The following RAP1GAP2 variants were observed in gnomAD, a reference collection of about 807,000 sequenced individuals.
The protein encoded by RAP1GAP2 is RAP1 GTPase activating protein 2, also known as rap1 GTPase-activating protein 2.
RAP1GAP2 carries 27 observed loss-of-function variants against 95.0 expected under a neutral mutation model. The ratio of observed to expected loss-of-function variants is 0.28; its 90% CI spans 0.21 to 0.39. The LOEUF (loss-of-function observed/expected upper bound fraction) is 0.39, where lower values mean the gene tolerates loss of function less well. Among genes scored for constraint, RAP1GAP2 ranks in the 10% least tolerant of loss-of-function variants. The probability of loss-of-function intolerance (pLI) is 1.00; values close to 1 mark genes in which losing one functional copy is unlikely to be tolerated. For missense variants in RAP1GAP2, 771 were observed against 970.0 expected (o/e 0.79, Z 2.72); for synonymous variants, 373 against 380.9 (o/e 0.98, Z 0.24).
At chr17:2,760,962 C>CT (rs944540184) in intron 1 of RAP1GAP2, among the ~76,000 whole-genome samples, 43 of 140,468 alleles carry the variant, frequency 3.1e-4, no homozygotes, top group South Asian at 9.0e-4. Flanking sequence ...CTTTCTTTTT[C>CT]TTTTTTTTTG....
At chr17:2,880,213 G>C (rs2073236029) in intron 2 of RAP1GAP2, among the ~76,000 whole-genome samples, 1 of 152,054 alleles carries the variant, frequency 6.6e-6, no homozygotes, top group African/African-American at 2.4e-5. Context: ...ATGGGAGTGT[G>C]GGTGAGAGAA....
chr17:2,840,954 C>T (rs1261047023), intron 2 of RAP1GAP2, among the ~76,000 whole-genome samples: 12 of 152,006 alleles, frequency 7.9e-5, no homozygotes, highest in South Asian at 2.1e-4. Flanking sequence ...GCCGAGATTG[C>T]GCCACTGCAC....
At position 2,870,619 on chromosome 17, in the gene RAP1GAP2, A is replaced by G. The variant is rs1322551424; in HGVS notation, c.81-34665A>G. On this transcript the variant is annotated intron_variant, in intron 2 of 24. Transcript: ENST00000254695. The surrounding 1 kb of genome is among the most constrained non-coding windows in gnomAD (Gnocchi z 4.4). ...GCAAAAGCACACCCTTTCACGTAAT[A>G]TACTTACATCTGCATCTACGTCTGT... Among the ~76,000 whole-genome samples the G allele has an allele frequency of 6.6e-6, 1 of 152,144 alleles. No homozygotes were observed. The highest frequency in any genetic ancestry group is 1.5e-5 in the Non-Finnish European group (1 of 68,034).
chr17:3,017,099 TC>T (rs1027383510), intron 17 of RAP1GAP2, among the ~76,000 whole-genome samples: 1 of 151,558 alleles, frequency 6.6e-6, no homozygotes, highest in African/African-American at 2.4e-5. Flanking sequence ...TGTCAGGAAA[TC>T]CCCCCCTGAG....
chr17:2,763,318 C>G (rs2068217604), intron 1 of RAP1GAP2, among the ~76,000 whole-genome samples: 1 of 152,118 alleles, frequency 6.6e-6, no homozygotes, highest in Non-Finnish European at 1.5e-5. Flanking sequence ...AGAGATGGAT[C>G]AGATACAGCC....
chr17:2,977,412 C>T (rs2045169158), intron 8 of RAP1GAP2, among the ~76,000 whole-genome samples: 1 of 152,040 alleles, frequency 6.6e-6, no homozygotes, highest in Admixed American at 6.6e-5. Flanking sequence ...TTTAGCAAAC[C>T]TTTAAGGAAT....
At chr17:2,808,511 G>T (rs147665943) in intron 2 of RAP1GAP2, among the ~76,000 whole-genome samples, 1 of 152,208 alleles carries the variant, frequency 6.6e-6, no homozygotes, top group African/African-American at 2.4e-5. Context: ...GGAGAGAGCA[G>T]CATCCTGAGG....
chr17:2,874,724 C>T (rs1033902436), intron 2 of RAP1GAP2, among the ~76,000 whole-genome samples: 3 of 152,114 alleles, frequency 2.0e-5, no homozygotes, highest in Admixed American at 6.6e-5. Flanking sequence ...AGGAAAAGCC[C>T]CAAACCCTTG....
At chr17:2,764,592 G>T (rs1479855807) in intron 1 of RAP1GAP2, among the ~76,000 whole-genome samples, 1 of 151,670 alleles carries the variant, frequency 6.6e-6, no homozygotes, top group Non-Finnish European at 1.5e-5. Context: ...GTGGTGGCAG[G>T]CACCTATAAT....
intron 3 of RAP1GAP2, among the ~76,000 whole-genome samples, chr17:2,931,937 C>G (rs1266175697): frequency 6.6e-6 from 1 of 152,144 alleles, no homozygotes; most frequent in Non-Finnish European, 1.5e-5. Context: ...CCCAAAATTT[C>G]CAGCTTCTCA....
intron 2 of RAP1GAP2, among the ~76,000 whole-genome samples, chr17:2,846,386 TG>T (rs1240164901): frequency 6.6e-6 from 1 of 152,146 alleles, no homozygotes; most frequent in Non-Finnish European, 1.5e-5. Context: ...ACACTTGGGC[TG>T]CTTTCCGACT....
chr17:2,834,224 C>T (rs1418994377), intron 2 of RAP1GAP2, among the ~76,000 whole-genome samples: 1 of 152,196 alleles, frequency 6.6e-6, no homozygotes, highest in Non-Finnish European at 1.5e-5. Context: ...AGATTTTCAT[C>T]CTATCCCAGT....
At chr17:2,882,095 C>T (rs1029000175) in intron 2 of RAP1GAP2, among the ~76,000 whole-genome samples, 1 of 148,332 alleles carries the variant, frequency 6.7e-6, no homozygotes, top group Non-Finnish European at 1.5e-5. Flanking sequence ...GCTGGGATTA[C>T]AGGCATGAGC....
chr17:2,942,866 C>CT (rs1363100003), intron 3 of RAP1GAP2, among the ~76,000 whole-genome samples: 1 of 152,060 alleles, frequency 6.6e-6, no homozygotes, highest in Non-Finnish European at 1.5e-5. Flanking sequence ...CTCCTGAGTT[C>CT]AAACGATTCT....
At chr17:2,882,247 C>T (rs1278976811) in intron 2 of RAP1GAP2, among the ~76,000 whole-genome samples, 2 of 151,446 alleles carry the variant, frequency 1.3e-5, no homozygotes, top group Non-Finnish European at 2.9e-5. Flanking sequence ...CTGCCTCAGC[C>T]TCCTGAGTAG....
intron 2 of RAP1GAP2, among the ~76,000 whole-genome samples, chr17:2,819,312 G>A (rs1287794000): frequency 1.3e-5 from 2 of 149,996 alleles, no homozygotes; most frequent in Admixed American, 6.7e-5. Context: ...GAGCCACCAT[G>A]CCTTGCTTTT....
Position 3,013,171 on chromosome 17 carries a change from G to T in RAP1GAP2, c.1495-4890G>T, listed in dbSNP as rs538315769. On this transcript the variant is annotated intron_variant, in intron 17 of 24. Transcript: ENST00000254695. ...GACCTGACCCCTAGTGGCAGGAGGG[G>T]CCACAGCTATCCCTGGCAGTCTTTG... 3.3e-5 allele frequency among the ~76,000 whole-genome samples: 5 copies of T among 152,322 alleles called. 1 individual carries two copies. The South Asian group carries it at 1.0e-3, about 32-fold the overall frequency.
chr17:2,785,027 CG>C (rs1283698861), intron 1 of RAP1GAP2, among the ~76,000 whole-genome samples: 2 of 152,168 alleles, frequency 1.3e-5, no homozygotes, highest in Non-Finnish European at 2.9e-5. Flanking sequence ...CATCTGCCTG[CG>C]GCATCATCCC....
rs1597816599 is a variant in RAP1GAP2 at position 2,992,770 on chromosome 17, T to C, written c.914+1373T>C. Among the ~76,000 whole-genome samples, 5 of 152,206 alleles carry C rather than the reference T, an allele frequency of 3.3e-5. No homozygotes were observed. In the South Asian group the frequency reaches 1.0e-3, roughly 32 times the overall value. On this transcript the variant is annotated intron_variant, in intron 12 of 24. Coordinates refer to ENST00000254695, the MANE Select transcript of RAP1GAP2 (RefSeq NM_015085.5). ...CTTCCTTCTTTTTCCTTTCCTCTCT[T>C]CCTCCATCTTCTCCCTCCCTCAAGG...
Sources: allele counts gnomAD v4.1 joint callset (sites outside exome capture counted in the v4.1 genomes callset), GRCh38; gene constraint gnomAD v4.1.1; non-coding constraint Gnocchi (gnomAD v3.1); transcripts MANE v1.5; gene names NCBI Gene and HGNC (gene_info 2026-07-23, HGNC 2026-07-21).